The following FRMD4A variants were observed in gnomAD, a reference collection of about 807,000 sequenced individuals.
The protein encoded by FRMD4A is FERM domain containing 4A.
Under a neutral mutation model 129.1 loss-of-function variants are expected in FRMD4A, and 29 were observed. The ratio of observed to expected loss-of-function variants is 0.22; its 90% CI spans 0.17 to 0.31. The LOEUF (loss-of-function observed/expected upper bound fraction) is 0.31, where lower values mean the gene tolerates loss of function less well. Ranked by LOEUF, FRMD4A falls within the 10% of genes least tolerant of loss-of-function variation. The pLI, the probability that FRMD4A is intolerant of heterozygous loss-of-function variation, is 1.00. For missense variants in FRMD4A, 1,272 were observed against 1,375.8 expected (o/e 0.92, Z 1.19); for synonymous variants, 634 against 571.6 (o/e 1.11, Z -1.56).
At chr10:14,118,116 G>T (rs1392037459) in intron 2 of FRMD4A, among the ~76,000 whole-genome samples, 2 of 152,144 alleles carry the variant, frequency 1.3e-5, no homozygotes, top group Admixed American at 6.5e-5. Context: ...AATTGCCAAA[G>T]AATTTAAACT....
chr10:13,666,827 C>T (rs2083077575), intron 17 of FRMD4A, among the ~76,000 whole-genome samples: 1 of 152,102 alleles, frequency 6.6e-6, no homozygotes, highest in Non-Finnish European at 1.5e-5. Context: ...GTGTGCCTAA[C>T]TCACAGGCCT....
intron 2 of FRMD4A, among the ~76,000 whole-genome samples, chr10:14,086,012 C>G (rs962014642): frequency 6.6e-6 from 1 of 152,132 alleles, no homozygotes; most frequent in Non-Finnish European, 1.5e-5. Flanking sequence ...ATGCCGAGGT[C>G]TTTTCAGAGC....
intron 2 of FRMD4A, among the ~76,000 whole-genome samples, chr10:14,000,646 C>A (rs1299829124): frequency 4.1e-4 from 18 of 43,464 alleles, no homozygotes; most frequent in Admixed American, 1.1e-3. Context: ...GACGCCACCT[C>A]AAAAAAAAAA....
chr10:13,743,175 C>G (rs1454389655), intron 9 of FRMD4A, among the ~76,000 whole-genome samples: 1 of 152,160 alleles, frequency 6.6e-6, no homozygotes, highest in Non-Finnish European at 1.5e-5. Flanking sequence ...CCAGCCATCT[C>G]TCTCCTTGGC....
intron 2 of FRMD4A, among the ~76,000 whole-genome samples, chr10:14,273,701 A>G (rs558252837): frequency 1.3e-5 from 2 of 152,178 alleles, no homozygotes; most frequent in South Asian, 4.2e-4. Context: ...TCGAGGTTCT[A>G]GGTGGTCAAT....
At chr10:13,780,358 T>C (rs1382656002) in intron 6 of FRMD4A, among the ~76,000 whole-genome samples, 1 of 151,724 alleles carries the variant, frequency 6.6e-6, no homozygotes, top group Non-Finnish European at 1.5e-5. Flanking sequence ...TTAGTCGCAG[T>C]TCCTAACCTC....
chr10:14,221,527 C>T (rs1843260697), intron 2 of FRMD4A, among the ~76,000 whole-genome samples: 1 of 152,096 alleles, frequency 6.6e-6, no homozygotes, highest in Admixed American at 6.5e-5. Flanking sequence ...TTTGCTTTAG[C>T]CCTAACATCA....
At chr10:13,898,079 T>C (rs2094778735) in intron 2 of FRMD4A, among the ~76,000 whole-genome samples, 1 of 150,256 alleles carries the variant, frequency 6.7e-6, no homozygotes, top group Non-Finnish European at 1.5e-5. Flanking sequence ...CTCTATTAGA[T>C]TGATGACAAG....
At chr10:13,696,723 G>A (rs2086255639) in intron 14 of FRMD4A, among the ~76,000 whole-genome samples, 1 of 147,620 alleles carries the variant, frequency 6.8e-6, no homozygotes, top group Admixed American at 6.8e-5. Flanking sequence ...TCTCATTCCA[G>A]GCTGGGTGCT....
rs145475569 is a variant in FRMD4A at position 14,041,665 on chromosome 10, G to C, written c.46-182753C>G. Among the ~76,000 whole-genome samples, 320 of 152,306 alleles carry C rather than the reference G, an allele frequency of 2.1e-3. 2 individuals carry two copies. The highest frequency in any genetic ancestry group is 7.3e-3 in the African/African-American group (303 of 41,560). The stretch of plus-strand genomic sequence containing the variant: ...ATGAAAATGATCCAAATGTTCATCA[G>C]AGGTAGAACAAATAAATGTGTAGTC... On this transcript the variant is annotated intron_variant, in intron 2 of 24. Transcript: ENST00000357447.
At chr10:13,891,052 T>C (rs1411562645) in intron 2 of FRMD4A, among the ~76,000 whole-genome samples, 1 of 152,144 alleles carries the variant, frequency 6.6e-6, no homozygotes, top group African/African-American at 2.4e-5. Context: ...CTGCCTCCAA[T>C]ATAGAAGCAC....
At chr10:13,929,036 T>C (rs1469907670) in intron 2 of FRMD4A, among the ~76,000 whole-genome samples, 3 of 152,230 alleles carry the variant, frequency 2.0e-5, no homozygotes, top group African/African-American at 4.8e-5. Context: ...CCTTTTCTTT[T>C]TGCGCCAAAC....
chr10:14,145,712 G>T (rs1840041679), intron 2 of FRMD4A, among the ~76,000 whole-genome samples: 2 of 152,140 alleles, frequency 1.3e-5, no homozygotes, highest in African/African-American at 4.8e-5. Flanking sequence ...ACAACTGATG[G>T]CTGGCAGAAT....
chr10:13,778,537 G>A (rs1314725804), intron 6 of FRMD4A, among the ~76,000 whole-genome samples: 1 of 152,020 alleles, frequency 6.6e-6, no homozygotes, highest in Non-Finnish European at 1.5e-5. Flanking sequence ...GAACTATTCT[G>A]TGCAGTGAAT....
intron 6 of FRMD4A, among the ~76,000 whole-genome samples, 189 bp downstream of exon 6, chr10:13,782,733 C>T (rs986790013): frequency 5.3e-5 from 8 of 152,188 alleles, no homozygotes; most frequent in South Asian, 2.1e-4. Flanking sequence ...TGAGCCAGCG[C>T]GCCGGGTCAG....
chr10:14,319,356 C>CTCTG (rs1289795618), intron 2 of FRMD4A, among the ~76,000 whole-genome samples: 2 of 145,626 alleles, frequency 1.4e-5, no homozygotes, highest in Non-Finnish European at 3.0e-5. Context: ...TCTCCTCTCT[C>CTCTG]TCTCTCTCTC....
chr10:14,199,743 T>C (rs1470784945), intron 2 of FRMD4A, among the ~76,000 whole-genome samples: 1 of 151,838 alleles, frequency 6.6e-6, no homozygotes, highest in African/African-American at 2.4e-5. Flanking sequence ...ATTTATCTCA[T>C]CATATTTAGT....
At position 13,755,442 on chromosome 10, in the gene FRMD4A, C is replaced by A. The variant is rs144643495; in HGVS notation, c.464+6205G>T. Reference sequence around the variant, plus strand: ...CTTTCCACACTAGTGAGCACACCATCCCATGGTTTATAGAAGATAAAATAC... The same window carrying A: ...CTTTCCACACTAGTGAGCACACCATACCATGGTTTATAGAAGATAAAATAC... On this transcript the variant is annotated intron_variant, in intron 8 of 24. Coordinates refer to ENST00000357447, the MANE Select transcript of FRMD4A (RefSeq NM_018027.5). Among the ~76,000 whole-genome samples the A allele has an allele frequency of 1.9e-3, 284 of 152,300 alleles. 3 individuals carry two copies. Among genetic ancestry groups the A allele is most frequent in the Non-Finnish European group, 9.8e-4 (67 of 68,038 alleles).
At chr10:14,133,912 G>C (rs957488466) in intron 2 of FRMD4A, among the ~76,000 whole-genome samples, 4 of 152,010 alleles carry the variant, frequency 2.6e-5, no homozygotes, top group African/African-American at 9.7e-5. Flanking sequence ...AGTTTGCTGG[G>C]GGCATGTGGT....
Sources: allele counts gnomAD v4.1 joint callset (sites outside exome capture counted in the v4.1 genomes callset), GRCh38; gene constraint gnomAD v4.1.1; transcripts MANE v1.5; gene names NCBI Gene and HGNC (gene_info 2026-07-23, HGNC 2026-07-21).